The following MPP7 variants were observed in gnomAD, a reference collection of about 807,000 sequenced individuals.
MPP7 encodes the protein MAGUK p55 subfamily member 7.
MPP7 carries 60 observed loss-of-function variants against 76.5 expected under a neutral mutation model. The ratio of observed to expected loss-of-function variants is 0.78; its 90% CI spans 0.64 to 0.97. The LOEUF (loss-of-function observed/expected upper bound fraction) is 0.97, where lower values mean the gene tolerates loss of function less well. Among genes scored for constraint, MPP7 ranks in the 50% least tolerant of loss-of-function variants. MPP7 has a pLI of 0.00. For missense variants in MPP7, 641 were observed against 694.0 expected, an observed-to-expected ratio of 0.92 and a Z score of 0.86; for synonymous variants, 237 against 244.5, an observed-to-expected ratio of 0.97 and a Z score of 0.29.
intron 11 of MPP7, among the ~76,000 whole-genome samples, chr10:28,113,924 T>C (rs1834581853): frequency 6.6e-6 from 1 of 152,210 alleles, no homozygotes; most frequent in African/African-American, 2.4e-5. Flanking sequence ...TGACTTAGCA[T>C]GACCTCCCAT....
chr10:28,236,500 T>G (rs1386314773), intron 2 of MPP7: 1 of 152,028 alleles, frequency 6.6e-6, no homozygotes, highest in Non-Finnish European at 1.5e-5. Context: ...TCAAAAACAA[T>G]GTATTAATGA....
intron 2 of MPP7, among the ~76,000 whole-genome samples, chr10:28,210,332 C>A (rs1365896789): frequency 1.3e-5 from 2 of 152,156 alleles, no homozygotes; most frequent in Admixed American, 6.5e-5. Context: ...TACTTTTGCA[C>A]CAACCTAATA....
intron 6 of MPP7, among the ~76,000 whole-genome samples, chr10:28,125,615 A>AT (rs1834992971): frequency 6.7e-6 from 1 of 149,862 alleles, no homozygotes; most frequent in Non-Finnish European, 1.5e-5. Flanking sequence ...AAATTTAAAA[A>AT]TTAAAAAAAA....
chr10:28,271,961 C>A (rs768084586), intron 1 of MPP7, among the ~76,000 whole-genome samples: 1 of 151,970 alleles, frequency 6.6e-6, no homozygotes, highest in Non-Finnish European at 1.5e-5. Context: ...GGTGACAGAG[C>A]GAGACTCTGT....
intron 1 of MPP7, among the ~76,000 whole-genome samples, chr10:28,241,155 A>G (rs1839255830): frequency 1.3e-5 from 2 of 152,146 alleles, no homozygotes; most frequent in African/African-American, 4.8e-5. Context: ...ATCAATTAGA[A>G]TTTCATACAA....
intron 1 of MPP7, among the ~76,000 whole-genome samples, chr10:28,284,290 C>A (rs1016706925): frequency 6.6e-6 from 1 of 152,158 alleles, no homozygotes; most frequent in East Asian, 1.9e-4. Flanking sequence ...CACAAATGTA[C>A]ACAGACATTT....
intron 5 of MPP7, among the ~76,000 whole-genome samples, chr10:28,147,104 A>G (rs1319264732): frequency 6.6e-6 from 1 of 152,180 alleles, no homozygotes; most frequent in Non-Finnish European, 1.5e-5. Context: ...GGAATGCTGA[A>G]ATGACCCTAT....
intron 1 of MPP7, among the ~76,000 whole-genome samples, chr10:28,281,192 G>A (rs1013891315): frequency 2.0e-5 from 3 of 151,862 alleles, no homozygotes; most frequent in Non-Finnish European, 4.4e-5. Flanking sequence ...CAATTCTCCT[G>A]CCTCAGACCC....
chr10:28,238,058 TGTTA>T (rs1839136617), intron 2 of MPP7, among the ~76,000 whole-genome samples: 1 of 152,168 alleles, frequency 6.6e-6, no homozygotes, highest in Non-Finnish European at 1.5e-5. Context: ...TATGTTTGTT[TGTTA>T]GTTTTAATTG....
intron 10 of MPP7, 100 bp downstream of exon 10, chr10:28,120,094 G>A: frequency 5.4e-6 from 7 of 1,286,112 alleles, no homozygotes; most frequent in East Asian, 2.4e-5. Flanking sequence ...TCTAAGGCAA[G>A]GTTTTATAGC....
chr10:28,150,285 G>A (rs1193084277), intron 3 of MPP7, among the ~76,000 whole-genome samples: 1 of 152,090 alleles, frequency 6.6e-6, no homozygotes, highest in Non-Finnish European at 1.5e-5. Context: ...TTTACAACAT[G>A]GAGTCAAATG....
At chr10:28,140,859 ATTAAAGT>A (rs1835493764) in intron 5 of MPP7, among the ~76,000 whole-genome samples, 1 of 152,238 alleles carries the variant, frequency 6.6e-6, no homozygotes, top group African/African-American at 2.4e-5. Flanking sequence ...GAAGGGTTGT[ATTAAAGT>A]TTTCTGTGTT....
intron 1 of MPP7, among the ~76,000 whole-genome samples, chr10:28,334,261 A>G (rs1247664922): frequency 6.6e-6 from 1 of 152,132 alleles, no homozygotes; most frequent in Non-Finnish European, 1.5e-5. Flanking sequence ...GAGAAAATGA[A>G]AGATGAAAAA....
At chr10:28,273,478 A>G (rs1180858349) in intron 1 of MPP7, among the ~76,000 whole-genome samples, 1 of 152,202 alleles carries the variant, frequency 6.6e-6, no homozygotes, top group Non-Finnish European at 1.5e-5. Context: ...AGGTAAGTGG[A>G]GACAGACATA....
chr10:28,059,064 A>T (rs1851675844), intron 14 of MPP7, among the ~76,000 whole-genome samples: 1 of 152,322 alleles, frequency 6.6e-6, no homozygotes, highest in South Asian at 2.1e-4. Flanking sequence ...CAAACACGAA[A>T]AAAGCATTTC....
chr10:28,276,030 CTT>C (rs537127115), intron 1 of MPP7, among the ~76,000 whole-genome samples: 47 of 131,158 alleles, frequency 3.6e-4, no homozygotes, highest in East Asian at 2.1e-3. Flanking sequence ...CCATCACATA[CTT>C]TTTTTTTTTT....
chr10:28,274,381 A>C (rs920413144), intron 1 of MPP7, among the ~76,000 whole-genome samples: 1 of 150,942 alleles, frequency 6.6e-6, no homozygotes, highest in African/African-American at 2.4e-5. Context: ...TTACAGGCAT[A>C]AGCCACCGCG....
intron 3 of MPP7, among the ~76,000 whole-genome samples, chr10:28,180,181 G>C (rs1837016002): frequency 6.6e-6 from 1 of 152,144 alleles, no homozygotes. Flanking sequence ...ATGTAGTAAT[G>C]AAACAGGGGA....
At chr10:28,185,949 C>T (rs1203441307) in intron 3 of MPP7, among the ~76,000 whole-genome samples, 1 of 152,124 alleles carries the variant, frequency 6.6e-6, no homozygotes, top group East Asian at 1.9e-4. Context: ...CTCCACACAG[C>T]CTTGACACAG....
Sources: allele counts gnomAD v4.1 joint callset (sites outside exome capture counted in the v4.1 genomes callset), GRCh38; gene constraint gnomAD v4.1.1; transcripts MANE v1.5; gene names NCBI Gene and HGNC (gene_info 2026-07-23, HGNC 2026-07-21).